Variants in SPAG17 observed in about 807,000 individuals in gnomAD.
The protein encoded by SPAG17 is sperm associated antigen 17.
SPAG17 carries 169 observed loss-of-function variants against 273.6 expected under a neutral mutation model. The ratio of observed to expected loss-of-function variants is 0.62; its 90% CI spans 0.55 to 0.70. The LOEUF (loss-of-function observed/expected upper bound fraction) is 0.70, where lower values mean the gene tolerates loss of function less well. Among genes scored for constraint, SPAG17 ranks in the 30% least tolerant of loss-of-function variants. The pLI, the probability that SPAG17 is intolerant of heterozygous loss-of-function variation, is 0.00. For synonymous variants in SPAG17, 825 were observed against 873.2 expected (o/e 0.94, Z 0.97); for missense variants, 2,557 against 2,627.8 (o/e 0.97, Z 0.59).
chr1:118,076,384 G>C (rs1190612275), intron 15 of SPAG17: 1 of 152,090 alleles, frequency 6.6e-6, no homozygotes, highest in African/African-American at 2.4e-5. Flanking sequence ...GTGACAGCAT[G>C]AACGTTCCAT....
intron 3 of SPAG17, among the ~76,000 whole-genome samples, chr1:118,137,459 G>A (rs1371162013): frequency 6.6e-6 from 1 of 152,160 alleles, no homozygotes; most frequent in Non-Finnish European, 1.5e-5. Context: ...CACCATTAGA[G>A]TTCTGCAGAT....
chr1:117,984,497 G>C (rs1472967354), intron 41 of SPAG17, among the ~76,000 whole-genome samples, 186 bp downstream of exon 41: 1 of 152,172 alleles, frequency 6.6e-6, no homozygotes, highest in Non-Finnish European at 1.5e-5. Flanking sequence ...TAGGTGCAAG[G>C]CCTGAAATTA....
chr1:118,035,143 T>A (rs1557937002), intron 24 of SPAG17, among the ~76,000 whole-genome samples: 1 of 152,208 alleles, frequency 6.6e-6, no homozygotes, highest in Non-Finnish European at 1.5e-5. Context: ...TACATACGCA[T>A]ATAATTTTTA....
chr1:118,034,121 A>C (rs529239414), intron 24 of SPAG17, among the ~76,000 whole-genome samples: 7 of 152,096 alleles, frequency 4.6e-5, no homozygotes, highest in Non-Finnish European at 1.0e-4. Flanking sequence ...CCTCATCCCC[A>C]TCCATTTACT....
intron 15 of SPAG17, among the ~76,000 whole-genome samples, chr1:118,080,215 C>T (rs1270482497): frequency 6.6e-6 from 1 of 152,078 alleles, no homozygotes; most frequent in Non-Finnish European, 1.5e-5. Flanking sequence ...AGAAGTGTAG[C>T]TTAATTATGA....
chr1:118,133,860 G>A (rs1378518839), intron 3 of SPAG17, among the ~76,000 whole-genome samples: 1 of 152,136 alleles, frequency 6.6e-6, no homozygotes, highest in African/African-American at 2.4e-5. Context: ...TGACAATACA[G>A]AGTCCCTCCC....
At chr1:118,172,803 A>T (rs1660481191) in intron 1 of SPAG17, among the ~76,000 whole-genome samples, 1 of 152,084 alleles carries the variant, frequency 6.6e-6, no homozygotes, top group Non-Finnish European at 1.5e-5. Context: ...TTGTGTTGGC[A>T]CAGAAATTCT....
intron 16 of SPAG17, 113 bp from the exon 17 acceptor site, chr1:118,074,080 A>C (rs780848040): frequency 1.5e-6 from 1 of 686,200 alleles, no homozygotes; most frequent in Non-Finnish European, 2.4e-6. Context: ...GGAAATCTGC[A>C]TATGTATAAA....
At chr1:117,980,308 T>C (rs1655646758) in intron 43 of SPAG17, among the ~76,000 whole-genome samples, 1 of 152,168 alleles carries the variant, frequency 6.6e-6, no homozygotes, top group Non-Finnish European at 1.5e-5. Flanking sequence ...CTCAGCCCAC[T>C]GCAACCTCTG....
intron 28 of SPAG17, among the ~76,000 whole-genome samples, chr1:118,021,057 G>A (rs1439050444): frequency 6.6e-6 from 1 of 152,006 alleles, no homozygotes; most frequent in Non-Finnish European, 1.5e-5. Flanking sequence ...ATTAACCAAA[G>A]AATTGTAACA....
intron 20 of SPAG17, 148 bp from the exon 21 acceptor site, chr1:118,042,190 C>T: frequency 1.1e-6 from 1 of 938,262 alleles, no homozygotes; most frequent in Non-Finnish European, 1.6e-6. Flanking sequence ...TTGACGTCAT[C>T]CTTAATTCTC....
intron 48 of SPAG17, chr1:117,959,170 G>A: frequency 7.2e-7 from 1 of 1,381,034 alleles, no homozygotes; most frequent in Non-Finnish European, 9.8e-7. Context: ...AACAAGAAAA[G>A]TTCTTAATGA....
chr1:118,018,271 G>T (rs976589108), intron 28 of SPAG17, among the ~76,000 whole-genome samples: 8 of 152,156 alleles, frequency 5.3e-5, no homozygotes, highest in African/African-American at 1.9e-4. Context: ...ATTATTAACA[G>T]AAATCATTCG....
chr1:118,063,060 A>C (rs1307467181), intron 18 of SPAG17, among the ~76,000 whole-genome samples: 3 of 152,236 alleles, frequency 2.0e-5, no homozygotes, highest in African/African-American at 7.2e-5. Flanking sequence ...GAGAACTACA[A>C]ACCAGTGCTC....
At chr1:118,046,728 A>G (rs1650398835) in intron 20 of SPAG17, among the ~76,000 whole-genome samples, 1 of 152,202 alleles carries the variant, frequency 6.6e-6, no homozygotes, top group South Asian at 2.1e-4. Context: ...TTTATGACAA[A>G]TAATTGAGTA....
intron 1 of SPAG17, among the ~76,000 whole-genome samples, chr1:118,180,875 T>C (rs1384037890): frequency 1.3e-5 from 2 of 152,056 alleles, no homozygotes; most frequent in Non-Finnish European, 2.9e-5. Context: ...AACAGTATTA[T>C]TGTAATCTGA....
At chr1:118,122,805 C>T (rs558531359) in intron 3 of SPAG17, among the ~76,000 whole-genome samples, 2 of 152,258 alleles carry the variant, frequency 1.3e-5, no homozygotes, top group African/African-American at 4.8e-5. Context: ...AAAGTCAGTA[C>T]TTATGGTTAT....
chr1:118,150,333 A>G (rs930704420), intron 3 of SPAG17: 8 of 365,110 alleles, frequency 2.2e-5, no homozygotes, highest in African/African-American at 1.5e-4. Context: ...CGATCTAGGA[A>G]ATTGTATTTG....
chr1:118,092,311 AT>A (rs1655429559), intron 8 of SPAG17, among the ~76,000 whole-genome samples: 1 of 152,148 alleles, frequency 6.6e-6, no homozygotes, highest in Admixed American at 6.5e-5. Context: ...ACTCAGAGTC[AT>A]CCCATTCTCC....
Sources: gnomAD v4.1 joint callset for allele counts (sites outside exome capture counted in the v4.1 genomes callset) on GRCh38, gnomAD v4.1.1 for gene constraint, MANE v1.5 for transcripts, NCBI Gene and HGNC (gene_info 2026-07-23, HGNC 2026-07-21) for gene names.